The following OR4E2 variants were observed in gnomAD, a reference collection of about 807,000 sequenced individuals.
The protein encoded by OR4E2 is olfactory receptor family 4 subfamily E member 2, also known as olfactory receptor 4E2.
In OR4E2, 9 loss-of-function variants were observed where a neutral mutation model predicts 11.0. That is an observed-to-expected ratio of 0.82 (90% CI 0.49 to 1.43). The LOEUF (loss-of-function observed/expected upper bound fraction) is 1.43. Among genes scored for constraint, OR4E2 ranks in the 40% most tolerant of loss-of-function variants. OR4E2 has a pLI of 0.00. For synonymous variants in OR4E2, 159 were observed against 147.3 expected (o/e 1.08, Z -0.57); for missense variants, 441 against 382.0 (o/e 1.15, Z -1.29).
At chr14:21,663,454 T>G (rs1880446985) in intron 3 of OR4E2, among the ~76,000 whole-genome samples, 1 of 150,828 alleles carries the variant, frequency 6.6e-6, no homozygotes, top group South Asian at 2.1e-4. Context: ...CACTCCAGCC[T>G]GGGCAACAGA....
chr14:21,665,069 C>G lies in OR4E2; in HGVS notation c.-8-6C>G, dbSNP rs761185068. The G allele has an allele frequency of 5.4e-6, 8 of 1,486,786 alleles. No individual in the cohort carries two copies. In the South Asian group the frequency reaches 8.4e-5, roughly 16 times the overall value. The allele number at this position is 1,486,786 out of a possible 1,614,324, so 92.1% of individuals were successfully genotyped here. ...CTAAATTAGCTTTCATTTTTTCCCCCCTAAGCTCATTGAATGGACAGTCTA... is the reference window on the plus strand; with the variant it reads ...CTAAATTAGCTTTCATTTTTTCCCCGCTAAGCTCATTGAATGGACAGTCTA... On this transcript the variant is annotated splice_region_variant and splice_polypyrimidine_tract_variant and intron_variant, in intron 3 of 3. Transcript: ENST00000641524.
Position 21,665,301 on chromosome 14 carries a change from C to T in OR4E2, c.219C>T (p.His73=), listed in dbSNP as rs202246430. The T allele has an allele frequency of 2.9e-5, 47 of 1,613,864 alleles. No individual in the cohort carries two copies. Among genetic ancestry groups the T allele is most frequent in the Middle Eastern group, 3.3e-4 (2 of 6,084 alleles). ...ATCTGTCCTTTATTGACATCTGCCA[C>T]TCATCTGTCACTGTGCCTAAGATGT... The part of the protein sequence containing the change: ...LSNLSFIDIC[H]SSVTVPKMLE... The change falls in exon 4 of 4, where the codon CAC becomes CAT. Residue 73 remains histidine, a synonymous_variant. Coordinates refer to ENST00000641524, the MANE Select transcript of OR4E2 (RefSeq NM_001001912.3).
At chr14:21,656,863 TC>T (rs1879978071) in intron 2 of OR4E2, among the ~76,000 whole-genome samples, 2 of 152,192 alleles carry the variant, frequency 1.3e-5, no homozygotes, top group Admixed American at 1.3e-4. Context: ...CCTCCAGGAT[TC>T]CTCAAGATGT....
At position 21,665,795 on chromosome 14, in the gene OR4E2, C is replaced by G; in HGVS notation, c.713C>G (p.Ser238Cys). The stretch of plus-strand genomic sequence containing the variant: ...GCTGAAGGGCGCCGGAAAGCCCTGT[C>G]TACCTGCTCGGCCCACTTCATGGTG... Reference protein sequence around the residue: ...HSAEGRRKALSTCSAHFMVVA... With the variant: ...HSAEGRRKALCTCSAHFMVVA... The change falls in exon 4 of 4, where the codon TCT becomes TGT. Residue 238 changes from serine (S) to cysteine (C), a missense_variant. Physicochemically the swap from Ser to Cys is moderately radical, Grantham distance 112 (BLOSUM62 -1). Transcript: ENST00000641524. The G allele has an allele frequency of 6.2e-7, 1 of 1,613,936 alleles. No homozygotes were observed. Among genetic ancestry groups the G allele is most frequent in the Non-Finnish European group, 8.5e-7 (1 of 1,179,884 alleles).
At chr14:21,655,878 C>T (rs756020195) in intron 1 of OR4E2, among the ~76,000 whole-genome samples, 1 of 151,770 alleles carries the variant, frequency 6.6e-6, no homozygotes, top group African/African-American at 2.4e-5. Context: ...GGCAAGTAGA[C>T]GTAGTTCTGT....
At chr14:21,660,372 C>G (rs1159700438) in intron 2 of OR4E2, among the ~76,000 whole-genome samples, 1 of 152,174 alleles carries the variant, frequency 6.6e-6, no homozygotes, top group African/African-American at 2.4e-5. Context: ...TATGGGATAT[C>G]TGGGGGAAGA....
In OR4E2 at chr14:21,665,225, C is replaced by T. The variant is rs1173772241; in HGVS notation, c.143C>T (p.Ala48Val). Residue 48 changes from alanine (A) to valine (V), a missense_variant, in exon 4 of 4, where the codon GCC becomes GTC. Ala to Val is a moderately conservative substitution (Grantham distance 64). Transcript: ENST00000641524. ...TCGGGGAACATTCTCATCATCATTG[C>T]CACAGTCTTTACTCCAAGTCTCCAT... Reference protein sequence around the residue: ...TLSGNILIIIATVFTPSLHTP... With the variant: ...TLSGNILIIIVTVFTPSLHTP... 6.2e-7 allele frequency: 1 copy of T among 1,614,002 alleles called. No individual in the cohort carries two copies. The highest frequency in any genetic ancestry group is 1.1e-5 in the South Asian group (1 of 91,082).
chr14:21,660,050 G>A (rs1040084503), intron 2 of OR4E2, among the ~76,000 whole-genome samples: 1 of 152,046 alleles, frequency 6.6e-6, no homozygotes, highest in Non-Finnish European at 1.5e-5. Flanking sequence ...AGTTAATTAT[G>A]CCAGTGGTCC....
At chr14:21,654,673 G>C (rs905017970) in intron 1 of OR4E2, among the ~76,000 whole-genome samples, 7 of 151,960 alleles carry the variant, frequency 4.6e-5, no homozygotes, top group African/African-American at 1.7e-4. Flanking sequence ...AAAAAAATCT[G>C]CGTATAAGTG....
intron 1 of OR4E2, among the ~76,000 whole-genome samples, chr14:21,655,135 A>G (rs1339237636): frequency 1.3e-5 from 2 of 152,228 alleles, no homozygotes; most frequent in Non-Finnish European, 2.9e-5. Context: ...TAACTATTAT[A>G]GTAATTAAAG....
Position 21,665,352 on chromosome 14 carries a change from G to T in OR4E2, c.270G>T (p.Lys90Asn). Residue 90 changes from lysine (K) to asparagine (N), a missense_variant, in exon 4 of 4, where the codon AAG becomes AAT. Transcript: ENST00000641524. Reference protein sequence around the residue: ...KMLEGLLLERKTISFDNCITQ... With the variant: ...KMLEGLLLERNTISFDNCITQ... The stretch of plus-strand genomic sequence containing the variant: ...TGGAGGGTTTGCTTTTAGAAAGAAA[G>T]ACCATTTCCTTTGACAACTGCATCA... 6.2e-7 allele frequency: 1 copy of T among 1,614,076 alleles called. No individual in the cohort carries two copies. The highest frequency in any genetic ancestry group is 8.5e-7 in the Non-Finnish European group (1 of 1,180,012).
intron 2 of OR4E2, among the ~76,000 whole-genome samples, chr14:21,659,393 C>T (rs778843465): frequency 1.3e-5 from 2 of 152,138 alleles, no homozygotes; most frequent in Non-Finnish European, 2.9e-5. Context: ...TTCCTTTATG[C>T]CAGTTACTTT....
At chr14:21,663,306 C>T (rs1302770814) in intron 3 of OR4E2, among the ~76,000 whole-genome samples, 5 of 152,058 alleles carry the variant, frequency 3.3e-5, no homozygotes, top group African/African-American at 9.6e-5. Context: ...GGTGAAACCC[C>T]GTCTCTACTA....
chr14:21,659,725 A>G (rs1880209665), intron 2 of OR4E2, among the ~76,000 whole-genome samples: 2 of 152,240 alleles, frequency 1.3e-5, no homozygotes, highest in African/African-American at 4.8e-5. Context: ...AAAAATATGT[A>G]TTGAGCAACT....
In OR4E2 at chr14:21,665,820, G is replaced by A. The variant is rs756333493; in HGVS notation, c.738G>A (p.Val246=). 2 of 1,613,056 alleles carry A rather than the reference G, an allele frequency of 1.2e-6. No individual in the cohort carries two copies. Among genetic ancestry groups the A allele is most frequent in the South Asian group, 1.1e-5 (1 of 90,930 alleles). The change falls in exon 4 of 4, where the codon GTG becomes GTA. Residue 246 remains valine (V), a synonymous_variant. Transcript: ENST00000641524. ...CTACCTGCTCGGCCCACTTCATGGT[G>A]GTTGCCCTCTTCTTTGGGCCATGTA... is the stretch of plus-strand genomic sequence containing the variant. ...ALSTCSAHFM[V]VALFFGPCIF... is the part of the protein sequence containing the mutation.
At position 21,665,458 on chromosome 14, in the gene OR4E2, A is replaced by G; in HGVS notation, c.376A>G (p.Ile126Val). 6.2e-7 allele frequency: 1 copy of G among 1,614,032 alleles called. No homozygotes were observed. Among genetic ancestry groups the G allele is most frequent in the Non-Finnish European group, 8.5e-7 (1 of 1,179,986 alleles). The change falls in exon 4 of 4, where the codon ATC becomes GTC. Residue 126 changes from isoleucine to valine, a missense_variant. Transcript: ENST00000641524. ...TATGGCGTATGATCGTTACGTGGCTATCTGCACTCCACTCCACTACCCCAA... is the reference window on the plus strand; with the variant it reads ...TATGGCGTATGATCGTTACGTGGCTGTCTGCACTCCACTCCACTACCCCAA... ...IIMAYDRYVA[I>V]CTPLHYPNVM...
intron 2 of OR4E2, among the ~76,000 whole-genome samples, chr14:21,657,318 T>C (rs974021973): frequency 2.0e-5 from 3 of 151,056 alleles, no homozygotes; most frequent in East Asian, 3.9e-4. Context: ...TTGTAATGTA[T>C]GGAGTTGTGA....
chr14:21,665,355 C>T lies in OR4E2; in HGVS notation c.273C>T (p.Thr91=). 6.2e-7 allele frequency: 1 copy of T among 1,614,074 alleles called. No individual in the cohort carries two copies. Among genetic ancestry groups the T allele is most frequent in the Non-Finnish European group, 8.5e-7 (1 of 1,180,018 alleles). Residue 91 remains threonine (T), a synonymous_variant, in exon 4 of 4, where the codon ACC becomes ACT. Coordinates refer to ENST00000641524, the MANE Select transcript of OR4E2 (RefSeq NM_001001912.3). ...MLEGLLLERK[T]ISFDNCITQL... ...AGGGTTTGCTTTTAGAAAGAAAGAC[C>T]ATTTCCTTTGACAACTGCATCACAC... is the stretch of plus-strand genomic sequence containing the variant.
intron 1 of OR4E2, 81 bp downstream of exon 1, chr14:21,654,020 A>T (rs983270784): frequency 1.3e-5 from 2 of 152,200 alleles, no homozygotes; most frequent in East Asian, 1.9e-4. Context: ...AATGTTACTG[A>T]TTATACATTG....
Sources: gnomAD v4.1 joint callset for allele counts (sites outside exome capture counted in the v4.1 genomes callset) on GRCh38, gnomAD v4.1.1 for gene constraint, MANE v1.5 for transcripts, NCBI Gene and HGNC (gene_info 2026-07-23, HGNC 2026-07-21) for gene names.